Variants in PCDHGA2 observed in about 807,000 individuals in gnomAD.
The protein encoded by PCDHGA2 is protocadherin gamma subfamily A, 2, also known as protocadherin gamma-A2.
In PCDHGA2, 40 loss-of-function variants were observed where a neutral mutation model predicts 59.2. The ratio of observed to expected loss-of-function variants is 0.68; its 90% CI spans 0.52 to 0.88. The LOEUF is 0.88. Among genes scored for constraint, PCDHGA2 ranks in the 40% least tolerant of loss-of-function variants. The pLI is 0.00. For synonymous variants in PCDHGA2, 560 were observed against 526.0 expected, an observed-to-expected ratio of 1.06 and a Z score of -0.89; for missense variants, 1,226 against 1,204.0, an observed-to-expected ratio of 1.02 and a Z score of -0.27.
chr5:141,481,895 A>G (rs1285005477), intron 1 of PCDHGA2, among the ~76,000 whole-genome samples: 2 of 147,522 alleles, frequency 1.4e-5, no homozygotes, highest in Non-Finnish European at 3.0e-5. Context: ...GCCTGGGTGA[A>G]AGAGCGAAAC....
At chr5:141,383,494 G>A (rs1472112755) in intron 1 of PCDHGA2, 1 of 1,613,248 alleles carries the variant, frequency 6.2e-7, no homozygotes, top group Non-Finnish European at 8.5e-7. Context: ...GCTGGAGCGG[G>A]TGCTGGACCG....
chr5:141,405,118 G>T (rs368800698), intron 1 of PCDHGA2: 1 of 1,613,946 alleles, frequency 6.2e-7, no homozygotes, highest in Non-Finnish European at 8.5e-7. Context: ...GGCACTCCTC[G>T]CATCTGCTGC....
At chr5:141,463,808 T>C (rs1018369312) in intron 1 of PCDHGA2, among the ~76,000 whole-genome samples, 2 of 152,196 alleles carry the variant, frequency 1.3e-5, no homozygotes, top group African/African-American at 4.8e-5. Flanking sequence ...CTAAAAGCTT[T>C]TATCACACAT....
intron 1 of PCDHGA2, among the ~76,000 whole-genome samples, chr5:141,405,886 CCAACACTGAAAGGAGG>C (rs1168478788): frequency 1.3e-5 from 2 of 152,086 alleles, no homozygotes; most frequent in African/African-American, 4.8e-5. Context: ...AATTGTTGCT[CCAACACTGAAAGGAGG>C]CATTTATTAG....
intron 1 of PCDHGA2, chr5:141,366,989 A>G (rs546484165): frequency 2.1e-6 from 1 of 480,916 alleles, no homozygotes; most frequent in African/African-American, 2.0e-5. Flanking sequence ...GAAAGTGGTT[A>G]AATATAATCA....
chr5:141,400,590 T>G (rs775174347), intron 1 of PCDHGA2: 2 of 1,604,848 alleles, frequency 1.2e-6, no homozygotes, highest in South Asian at 1.1e-5. Flanking sequence ...CATGAAACTA[T>G]CGTACATTTT....
intron 1 of PCDHGA2, among the ~76,000 whole-genome samples, chr5:141,455,439 C>T (rs966470257): frequency 1.3e-5 from 2 of 152,126 alleles, no homozygotes; most frequent in East Asian, 1.9e-4. Context: ...AGGAGGTCCC[C>T]ATCTACCGCG....
rs138050230 is a variant in PCDHGA2 at position 141,340,798 on chromosome 5, C to G, written c.1827C>G (p.Leu609=). 460 of 1,613,666 alleles carry G rather than the reference C, an allele frequency of 2.9e-4. No individual in the cohort carries two copies. The highest frequency in any genetic ancestry group is 3.8e-4 in the Non-Finnish European group (446 of 1,180,024). Reference sequence around the variant, plus strand: ...ACGCCTGGCTGTCTTACCACCTGCTCAAGGCCAGCGAGCCGGGACTCTTCT... The same window carrying G: ...ACGCCTGGCTGTCTTACCACCTGCTGAAGGCCAGCGAGCCGGGACTCTTCT... ...GQNAWLSYHL[L]KASEPGLFSV... The change falls in exon 1 of 4, where the codon CTC becomes CTG. Residue 609 remains leucine (L), a synonymous_variant. Transcript: ENST00000394576.
At position 141,345,176 on chromosome 5, in the gene PCDHGA2, G is replaced by A. The variant is rs765931981; in HGVS notation, c.2424+3781G>A. 5.1e-5 allele frequency: 83 copies of A among 1,613,852 alleles called. No individual in the cohort carries two copies. The highest frequency in any genetic ancestry group is 3.3e-4 in the Middle Eastern group (2 of 6,084). On this transcript the variant is annotated intron_variant, in intron 1 of 3. Transcript: ENST00000394576. ...ACCGAGATTCTGGGCAGAATGGGCA[G>A]GTTGAAGTTTTTGTCCTGGGAAATC...
intron 1 of PCDHGA2, chr5:141,364,782 G>A (rs1315121311): frequency 6.2e-7 from 1 of 1,613,884 alleles, no homozygotes; most frequent in African/African-American, 1.3e-5. Flanking sequence ...GCAGGGACAC[G>A]GTTAGTGCTT....
Position 141,490,012 on chromosome 5 carries a change from G to A in PCDHGA2, c.2425-4795G>A. 1 of 1,614,232 alleles carries A rather than the reference G, an allele frequency of 6.2e-7. No homozygotes were observed. Among genetic ancestry groups the A allele is most frequent in the Non-Finnish European group, 8.5e-7 (1 of 1,180,044 alleles). ...GGGAATCCCAGAGAATGCACCCATT[G>A]GTACTCTGCTGCTCCGCCTCAATGC... is the stretch of plus-strand genomic sequence containing the variant. On this transcript the variant is annotated intron_variant, in intron 1 of 3. Transcript: ENST00000394576. This position sits in a 1 kb window ranked among gnomAD's most constrained non-coding sequence, Gnocchi z 5.4.
intron 2 of PCDHGA2, among the ~76,000 whole-genome samples, chr5:141,500,812 T>C: frequency 6.6e-6 from 1 of 152,322 alleles, no homozygotes; most frequent in South Asian, 2.1e-4. Flanking sequence ...CATATGAATA[T>C]ACATATTATT....
chr5:141,404,709 A>G (rs746275941), intron 1 of PCDHGA2: 33 of 1,613,624 alleles, frequency 2.0e-5, no homozygotes, highest in Non-Finnish European at 2.7e-5. Flanking sequence ...GAGCCTGGCT[A>G]CCTGGTGACC....
At chr5:141,501,238 G>A (rs1482962385) in intron 2 of PCDHGA2, among the ~76,000 whole-genome samples, 2 of 151,018 alleles carry the variant, frequency 1.3e-5, no homozygotes, top group African/African-American at 4.9e-5. Flanking sequence ...AGTTTTTTGA[G>A]CATGATGTAG....
At chr5:141,383,503 C>T (rs751472631) in intron 1 of PCDHGA2, 24 of 1,612,654 alleles carry the variant, frequency 1.5e-5, no homozygotes, top group East Asian at 2.2e-5. Context: ...GGTGCTGGAC[C>T]GGGAGGAAGA....
At position 141,357,645 on chromosome 5, in the gene PCDHGA2, A is replaced by G. The variant is rs374651812; in HGVS notation, c.2424+16250A>G. 1.9e-6 allele frequency: 3 copies of G among 1,610,840 alleles called. 1 individual carries two copies. The highest frequency in any genetic ancestry group is 2.2e-5 in the South Asian group (2 of 90,876). ...AGGTGAGTCAATCTTATAATAGATC[A>G]TACCACACTGAAATATAGACAAAGA... On this transcript the variant is annotated intron_variant, in intron 1 of 3. Coordinates refer to ENST00000394576, the MANE Select transcript of PCDHGA2 (RefSeq NM_018915.4).
Position 141,486,320 on chromosome 5 carries a change from G to A in PCDHGA2, c.2425-8487G>A, listed in dbSNP as rs764851576. The stretch of plus-strand genomic sequence containing the variant: ...GCAGGATCCAGACTCAGGGTCAAAC[G>A]GAGATGTGAGCCTCCGCATTCCTGA... On this transcript the variant is annotated intron_variant, in intron 1 of 3. Coordinates refer to ENST00000394576, the MANE Select transcript of PCDHGA2 (RefSeq NM_018915.4). This position sits in a 1 kb window ranked among gnomAD's most constrained non-coding sequence, Gnocchi z 5.0. The A allele has an allele frequency of 6.2e-7, 1 of 1,614,010 alleles. No individual in the cohort carries two copies. Among genetic ancestry groups the A allele is most frequent in the South Asian group, 1.1e-5 (1 of 91,060 alleles).
At chr5:141,358,638 T>C (rs1760977216) in intron 1 of PCDHGA2, among the ~76,000 whole-genome samples, 1 of 152,176 alleles carries the variant, frequency 6.6e-6, no homozygotes, top group Non-Finnish European at 1.5e-5. Context: ...CAGTCATATA[T>C]AAGTAGATTC....
At chr5:141,394,100 ACCACCTCTGT>A in intron 1 of PCDHGA2, 1 of 1,613,942 alleles carries the variant, frequency 6.2e-7, no homozygotes, top group Admixed American at 1.7e-5. Context: ...ATCTAGGAAC[ACCACCTCTGT>A]CCACTGAAAC....
Sources: gnomAD v4.1 joint callset for allele counts (sites outside exome capture counted in the v4.1 genomes callset) on GRCh38, gnomAD v4.1.1 for gene constraint, Gnocchi (gnomAD v3.1) non-coding constraint, MANE v1.5 for transcripts, NCBI Gene and HGNC (gene_info 2026-07-23, HGNC 2026-07-21) for gene names.